Variants in EEF2K observed in about 807,000 individuals in gnomAD.
EEF2K encodes the protein alternative protein EEF2K.
EEF2K carries 70 observed loss-of-function variants against 93.8 expected under a neutral mutation model. The observed-to-expected ratio is 0.75, with a 90% CI of 0.62 to 0.91. The LOEUF (loss-of-function observed/expected upper bound fraction) is 0.91, where lower values mean the gene tolerates loss of function less well. Ranked by LOEUF, EEF2K falls within the 40% of genes least tolerant of loss-of-function variation. EEF2K has a pLI of 0.00. For synonymous variants in EEF2K, 376 were observed against 380.8 expected (o/e 0.99, Z 0.15); for missense variants, 935 against 972.9 (o/e 0.96, Z 0.52).
intron 11 of EEF2K, 38 bp downstream of exon 11, chr16:22,260,567 C>A (rs372259640): frequency 2.5e-6 from 4 of 1,613,038 alleles, no homozygotes; most frequent in South Asian, 1.1e-5. Context: ...GCTTCAGACC[C>A]CAGCAGGGGT....
chr16:22,251,128 C>G (rs751189128), intron 5 of EEF2K, 23 bp from the exon 6 acceptor site: 1 of 1,605,216 alleles, frequency 6.2e-7, no homozygotes, highest in South Asian at 1.1e-5. Flanking sequence ...CCCAGGTAGG[C>G]CCCCTGTTGC....
At chr16:22,229,202 C>CGG (rs1196437368) in intron 2 of EEF2K, among the ~76,000 whole-genome samples, 1 of 152,120 alleles carries the variant, frequency 6.6e-6, no homozygotes, top group Non-Finnish European at 1.5e-5. Flanking sequence ...GTGTCTTCTA[C>CGG]ATTTGTCCAA....
At chr16:22,226,532 T>TTTTTTTTTTTTTTTTTTTTTTTA (rs1479936035) in intron 2 of EEF2K, among the ~76,000 whole-genome samples, 1 of 148,550 alleles carries the variant, frequency 6.7e-6, no homozygotes, top group African/African-American at 2.5e-5. Context: ...TTTTTTTTTT[T>TTTTTTTTTTTTTTTTTTTTTTTA]ATAAACGTGG....
intron 2 of EEF2K, among the ~76,000 whole-genome samples, chr16:22,234,541 GA>G (rs769468338): frequency 0.051 from 6,914 of 134,742 alleles, 485 homozygotes; most frequent in African/African-American, 0.16. Flanking sequence ...TGGGCAACAG[GA>G]AAAAAAAAAA....
At chr16:22,214,242 A>G (rs1207952774) in intron 1 of EEF2K, among the ~76,000 whole-genome samples, 3 of 152,138 alleles carry the variant, frequency 2.0e-5, no homozygotes, top group Non-Finnish European at 4.4e-5. Context: ...AGAGGAGGGA[A>G]CTATCCAAGG....
intron 2 of EEF2K, among the ~76,000 whole-genome samples, chr16:22,232,146 C>A (rs1216688506): frequency 6.6e-6 from 1 of 152,056 alleles, no homozygotes; most frequent in Non-Finnish European, 1.5e-5. Flanking sequence ...TTTCACACCT[C>A]TGCCTTATAA....
intron 1 of EEF2K, among the ~76,000 whole-genome samples, chr16:22,212,684 G>A (rs1486352497): frequency 1.3e-5 from 2 of 152,098 alleles, no homozygotes; most frequent in Non-Finnish European, 2.9e-5. Context: ...AGAGAGGGTT[G>A]GGGAGGGCTC....
intron 2 of EEF2K, among the ~76,000 whole-genome samples, chr16:22,235,083 G>A (rs1364073430): frequency 3.3e-5 from 5 of 151,430 alleles, no homozygotes; most frequent in Admixed American, 2.0e-4. Context: ...GCATGGGGGC[G>A]CACACCTGTA....
intron 2 of EEF2K, among the ~76,000 whole-genome samples, chr16:22,239,647 C>G (rs1251304592): frequency 1.3e-5 from 2 of 151,972 alleles, no homozygotes; most frequent in Non-Finnish European, 2.9e-5. Flanking sequence ...CCTGTCTGTA[C>G]AGAAATTTAA....
rs111341257 is a variant in EEF2K at position 22,238,649 on chromosome 16, C to CAA, written c.247-5973_247-5972dup. 2.3e-3 allele frequency among the ~76,000 whole-genome samples: 176 copies of CAA among 75,640 alleles called. 1 individual carries two copies. The highest frequency in any genetic ancestry group is 8.3e-3 in the African/African-American group (163 of 19,692). The allele number at this position is 75,640 out of a possible 152,430, so 49.6% of individuals were successfully genotyped here. ...CAACAAAGTAATAAATACCTGGTCTCAAAAAAAAAGAAAAAAGGAAAAAAA... is the reference window on the plus strand; with the variant it reads ...CAACAAAGTAATAAATACCTGGTCTCAAAAAAAAAAAGAAAAAAGGAAAAAAA... On this transcript the variant is annotated intron_variant, in intron 2 of 17. Transcript: ENST00000263026.
chr16:22,254,545 G>C (rs1293444854), intron 6 of EEF2K, among the ~76,000 whole-genome samples: 1 of 152,184 alleles, frequency 6.6e-6, no homozygotes, highest in Admixed American at 6.5e-5. Flanking sequence ...ATGAGTCCTT[G>C]TGTAACAGGG....
chr16:22,264,275 G>A (rs1158215216), intron 12 of EEF2K, among the ~76,000 whole-genome samples: 1 of 111,876 alleles, frequency 8.9e-6, no homozygotes, highest in African/African-American at 3.7e-5. Flanking sequence ...CTGGACCACA[G>A]AGTGAGACTG....
intron 2 of EEF2K, among the ~76,000 whole-genome samples, chr16:22,229,309 AAAAC>A (rs1224325140): frequency 2.0e-5 from 3 of 152,238 alleles, no homozygotes; most frequent in Non-Finnish European, 2.9e-5. Flanking sequence ...TTATCGTAAA[AAAAC>A]AAACAAAAAA....
chr16:22,212,914 C>T (rs2046928585), intron 1 of EEF2K, among the ~76,000 whole-genome samples: 1 of 151,440 alleles, frequency 6.6e-6, no homozygotes, highest in Non-Finnish European at 1.5e-5. Flanking sequence ...TTCAAGGATG[C>T]AGTGAGCTGT....
intron 2 of EEF2K, among the ~76,000 whole-genome samples, chr16:22,229,810 A>G (rs2047098402): frequency 6.6e-6 from 1 of 152,252 alleles, no homozygotes; most frequent in Non-Finnish European, 1.5e-5. Flanking sequence ...AAATCCTCAC[A>G]AACAGTTAAG....
At chr16:22,267,235 T>A (rs1489071345) in intron 15 of EEF2K, among the ~76,000 whole-genome samples, 2 of 152,108 alleles carry the variant, frequency 1.3e-5, no homozygotes, top group Non-Finnish European at 2.9e-5. Flanking sequence ...TGTGTATCCC[T>A]AGTGGCTGGG....
At chr16:22,268,027 T>G (rs1341200484) in intron 15 of EEF2K, among the ~76,000 whole-genome samples, 1 of 152,106 alleles carries the variant, frequency 6.6e-6, no homozygotes, top group African/African-American at 2.4e-5. Context: ...GTGCAGGACA[T>G]CAGCTCTCCT....
At chr16:22,262,382 C>T (rs370762534) in intron 11 of EEF2K, among the ~76,000 whole-genome samples, 71 of 152,040 alleles carry the variant, frequency 4.7e-4, no homozygotes, top group East Asian at 1.4e-3. Flanking sequence ...TGGTGGCAGG[C>T]GCCTGTAGTC....
intron 2 of EEF2K, among the ~76,000 whole-genome samples, chr16:22,243,463 A>G (rs2047246059): frequency 6.6e-6 from 1 of 151,354 alleles, no homozygotes; most frequent in Non-Finnish European, 1.5e-5. Flanking sequence ...TGTTGGCCAC[A>G]CTGGTCTCAA....
Sources: allele counts gnomAD v4.1 joint callset (sites outside exome capture counted in the v4.1 genomes callset), GRCh38; gene constraint gnomAD v4.1.1; transcripts MANE v1.5; gene names NCBI Gene and HGNC (gene_info 2026-07-23, HGNC 2026-07-21).